The following GFI1B variants were observed in gnomAD, a reference collection of about 807,000 sequenced individuals.
The protein encoded by GFI1B is zinc finger protein Gfi-1b.
Under a neutral mutation model 35.3 loss-of-function variants are expected in GFI1B, and 20 were observed. The observed-to-expected ratio is 0.57, with a 90% confidence interval of 0.40 to 0.82. The LOEUF (loss-of-function observed/expected upper bound fraction) is 0.82. Ranked by LOEUF, GFI1B falls within the 40% of genes least tolerant of loss-of-function variation. The probability of loss-of-function intolerance (pLI) is 0.00; values close to 1 mark genes in which losing one functional copy is unlikely to be tolerated. For synonymous variants in GFI1B, 178 were observed against 177.6 expected (o/e 1.00, Z -0.02); for missense variants, 430 against 446.3 (o/e 0.96, Z 0.33).
At chr9:132,991,839 G>A (rs149687214), downstream of GFI1B, among the ~76,000 whole-genome samples, 56 of 152,104 alleles carry the variant, frequency 3.7e-4, no homozygotes, top group East Asian at 3.7e-3. Flanking sequence ...CAGCCCCCAC[G>A]TGCACAGACC....
In GFI1B at chr9:132,963,476, G is replaced by A. The variant is rs555488920; in HGVS notation, c.-700-9249G>A. On this transcript the variant is annotated intron_variant, in intron 1 of 10. Transcript: ENST00000339463. The stretch of plus-strand genomic sequence containing the variant: ...AGTCTGGGCGACAGAGACAGATTCC[G>A]TCTCAAAAAAATTATTATTATTATT... 1.3e-4 allele frequency among the ~76,000 whole-genome samples: 20 copies of A among 151,750 alleles called. No homozygotes were observed. In the East Asian group the frequency reaches 1.3e-3, roughly 10 times the overall value.
intron 1 of GFI1B, chr9:132,962,501 G>A (rs1256856480): frequency 1.2e-5 from 6 of 500,726 alleles, no homozygotes; most frequent in Middle Eastern, 6.6e-4. Context: ...GTTTGACTCT[G>A]CTTCTCGCCA....
intron 1 of GFI1B, among the ~76,000 whole-genome samples, chr9:132,970,879 G>A (rs1398521128): frequency 2.0e-5 from 3 of 152,040 alleles, no homozygotes; most frequent in Non-Finnish European, 2.9e-5. Flanking sequence ...CCAAATGTCA[G>A]GTGTTTCATT....
chr9:132,974,131 G>GTCAT (rs148385752), upstream of GFI1B, among the ~76,000 whole-genome samples: 12,498 of 152,104 alleles, frequency 0.082, 563 homozygotes, highest in Admixed American at 0.11. Flanking sequence ...TGGAGAGAGA[G>GTCAT]TCATTCATTC....
At chr9:132,953,987 G>A (rs761232704) in intron 1 of GFI1B, among the ~76,000 whole-genome samples, 2 of 151,998 alleles carry the variant, frequency 1.3e-5, no homozygotes, top group Non-Finnish European at 2.9e-5. Flanking sequence ...TCTATTTCCT[G>A]CCCCCTGTTT....
chr9:132,972,208 T>C (rs1320503212), intron 1 of GFI1B, among the ~76,000 whole-genome samples: 4 of 151,736 alleles, frequency 2.6e-5, no homozygotes, highest in Non-Finnish European at 5.9e-5. Flanking sequence ...GATCACTTGA[T>C]GTAAGGAATT....
At chr9:132,987,209 C>T (rs1409862293) in intron 2 of GFI1B, 73 bp from the exon 3 acceptor site, 4 of 1,492,964 alleles carry the variant, frequency 2.7e-6, no homozygotes, top group East Asian at 2.3e-5. Context: ...CTAGGAAGGG[C>T]GTGCCCTCCT....
Position 132,988,405 on chromosome 9 carries a change from C to G in GFI1B, c.447C>G (p.Ala149=). ...GSPLVPSTEP[A]LDFSLRYSPG... ...CTCTTGTGCCCAGCACTGAGCCCGC[C>G]TTGGACTTCAGCCTCCGCTACTCCC... Residue 149 remains alanine, a synonymous_variant, in exon 4 of 7, where the codon GCC becomes GCG. Coordinates refer to ENST00000372122, the MANE Select transcript of GFI1B (RefSeq NM_001377304.1). 6.2e-7 allele frequency: 1 copy of G among 1,614,176 alleles called. No homozygotes were observed. The highest frequency in any genetic ancestry group is 8.5e-7 in the Non-Finnish European group (1 of 1,180,010).
At position 132,986,547 on chromosome 9, in the gene GFI1B, G is replaced by A. The variant is rs932938546; in HGVS notation, c.-20-112G>A. On this transcript the variant is annotated intron_variant, in intron 1 of 6. Transcript: ENST00000372122. ...TTCTGGGTGGACATGAACTTTGGGG[G>A]CCACTGTTCAACCCAGTATAGCTGG... is the stretch of plus-strand genomic sequence containing the variant. 2.1e-5 allele frequency: 15 copies of A among 700,722 alleles called. No individual in the cohort carries two copies. In the Admixed American group the frequency reaches 2.4e-4, roughly 11 times the overall value. 43.4% of individuals were successfully genotyped at this position (700,722 alleles called of 1,614,324 possible).
At chr9:132,965,506 C>CTG (rs1327736248) in intron 1 of GFI1B, among the ~76,000 whole-genome samples, 1 of 152,234 alleles carries the variant, frequency 6.6e-6, no homozygotes, top group Non-Finnish European at 1.5e-5. Flanking sequence ...GGAAAAAGGT[C>CTG]TGTGCAGATG....
intron 1 of GFI1B, chr9:132,962,682 G>A (rs565934085): frequency 7.6e-4 from 357 of 472,450 alleles, no homozygotes; most frequent in Non-Finnish European, 1.4e-3. Flanking sequence ...TTACACATGA[G>A]ATGACACACA....
intron 2 of GFI1B, 39 bp from the exon 3 acceptor site, chr9:132,987,243 A>G (rs541787505): frequency 6.2e-7 from 1 of 1,607,618 alleles, no homozygotes; most frequent in South Asian, 1.1e-5. Flanking sequence ...CTTCCCAGAA[A>G]CCGTGGCTAT....
chr9:132,949,006 G>A (rs869116), intron 1 of GFI1B, among the ~76,000 whole-genome samples: 64,552 of 152,118 alleles, frequency 0.42, 14,913 homozygotes, highest in South Asian at 0.6. Flanking sequence ...CTCCTGCTGC[G>A]TGGCCTGTCT....
At chr9:132,993,036 G>A (rs918739026), downstream of GFI1B, among the ~76,000 whole-genome samples, 2 of 152,054 alleles carry the variant, frequency 1.3e-5, no homozygotes, top group African/African-American at 2.4e-5. Context: ...GCTCACGCCT[G>A]TAATCCCAGC....
intron 1 of GFI1B, among the ~76,000 whole-genome samples, chr9:132,970,321 C>T (rs1299359957): frequency 6.6e-6 from 1 of 152,050 alleles, no homozygotes. Context: ...CTGAACCTGC[C>T]CAGACACCAG....
intron 1 of GFI1B, among the ~76,000 whole-genome samples, chr9:132,965,555 C>T (rs887598673): frequency 3.3e-5 from 5 of 152,276 alleles, no homozygotes; most frequent in Non-Finnish European, 5.9e-5. Context: ...TTGGATTAGC[C>T]GGCTGGGTTC....
Position 132,989,716 on chromosome 9 carries a change from C to T in GFI1B, c.649-26C>T, listed in dbSNP as rs767905800. The T allele has an allele frequency of 5.6e-6, 9 of 1,608,084 alleles. No individual in the cohort carries two copies. The highest frequency in any genetic ancestry group is 6.8e-6 in the Non-Finnish European group (8 of 1,175,372). ...TCCAGTCCTGAGCCTGCACCTGACC[C>T]CCCGGGGCCTCATTTCCTCCGGCAG... On this transcript the variant is annotated intron_variant, in intron 5 of 6. Transcript: ENST00000372122. The surrounding 1 kb of genome is among the most constrained non-coding windows in gnomAD (Gnocchi z 6.2).
rs1849282742 is a variant in GFI1B at position 132,991,144 on chromosome 9, G to T, written c.*94G>T. 2 of 1,158,030 alleles carry T rather than the reference G, an allele frequency of 1.7e-6. No homozygotes were observed. Among genetic ancestry groups the T allele is most frequent in the Admixed American group, 1.8e-5 (1 of 54,820 alleles). 71.7% of individuals were successfully genotyped at this position (1,158,030 alleles called of 1,614,324 possible). On this transcript the variant is annotated 3_prime_UTR_variant, in exon 7 of 7. Coordinates refer to ENST00000372122, the MANE Select transcript of GFI1B (RefSeq NM_001377304.1). Reference sequence around the variant, plus strand: ...TGCCCAAATCTCCAGTCTCCTGGAGGTGGGACTGGACAGGAGTCTACCAGC... The same window carrying T: ...TGCCCAAATCTCCAGTCTCCTGGAGTTGGGACTGGACAGGAGTCTACCAGC...
At chr9:132,983,794 C>T (rs539454406) in intron 1 of GFI1B, among the ~76,000 whole-genome samples, 1 of 152,358 alleles carries the variant, frequency 6.6e-6, no homozygotes, top group East Asian at 1.9e-4. Flanking sequence ...CCGGGCACTG[C>T]CCAGCACTTG....
Sources: gnomAD v4.1 joint callset for allele counts (sites outside exome capture counted in the v4.1 genomes callset) on GRCh38, gnomAD v4.1.1 for gene constraint, Gnocchi (gnomAD v3.1) non-coding constraint, MANE v1.5 for transcripts, NCBI Gene and HGNC (gene_info 2026-07-23, HGNC 2026-07-21) for gene names.